The following CDC42BPA variants were observed in gnomAD, a reference collection of about 807,000 sequenced individuals.
CDC42BPA encodes the protein serine/threonine-protein kinase MRCK alpha.
Under a neutral mutation model 223.5 loss-of-function variants are expected in CDC42BPA, and 80 were observed. The ratio of observed to expected loss-of-function variants is 0.36; its 90% confidence interval spans 0.30 to 0.43. The LOEUF is 0.43. CDC42BPA is among the 20% of genes least tolerant of loss of function. The probability of loss-of-function intolerance (pLI) is 1.00; values close to 1 mark genes in which losing one functional copy is unlikely to be tolerated. For missense variants in CDC42BPA, 1,743 were observed against 2,099.9 expected, an observed-to-expected ratio of 0.83 and a Z score of 3.32; for synonymous variants, 694 against 718.6, an observed-to-expected ratio of 0.97 and a Z score of 0.55.
chr1:227,010,847 G>C, intron 34 of CDC42BPA: 1 of 1,290,364 alleles, frequency 7.7e-7, no homozygotes, highest in Admixed American at 2.3e-5. Flanking sequence ...CATGGTTAGT[G>C]AAAGTTAACA....
At chr1:227,216,932 T>C (rs545980303) in intron 2 of CDC42BPA, among the ~76,000 whole-genome samples, 8 of 152,162 alleles carry the variant, frequency 5.3e-5, no homozygotes, top group African/African-American at 1.7e-4. Context: ...ACAGAAATAA[T>C]CACTAAGTGA....
intron 2 of CDC42BPA, among the ~76,000 whole-genome samples, chr1:227,238,955 AAT>A (rs1372584728): frequency 6.6e-6 from 1 of 152,216 alleles, no homozygotes. Context: ...GGAAGAGCTT[AAT>A]GACTGCATCA....
At position 227,033,358 on chromosome 1, in the gene CDC42BPA, C is replaced by T. The variant is rs1340686041; in HGVS notation, c.3534G>A (p.Arg1178=). The T allele has an allele frequency of 6.2e-7, 1 of 1,612,696 alleles. No homozygotes were observed. ...CCCTAAATATACAGGGTATATCTTT[C>T]CGACTTGCATGGATAACATCAGAAG... ...VLASDVIHAS[R]KDIPCIFRVT... Residue 1178 remains arginine (R), a synonymous_variant, in exon 27 of 37, where the codon CGG becomes CGA. Transcript: ENST00000366766.
Position 227,074,378 on chromosome 1 carries a change from A to G in CDC42BPA, c.2481-14T>C. ...TCATCGCTGACCCTAGAATATATAAAGACAAAGTACAAAAGTAAAACAAAA... is the reference window on the plus strand; with the variant it reads ...TCATCGCTGACCCTAGAATATATAAGGACAAAGTACAAAAGTAAAACAAAA... On this transcript the variant is annotated splice_polypyrimidine_tract_variant and intron_variant, in intron 17 of 36. Coordinates refer to ENST00000366766, the MANE Select transcript of CDC42BPA (RefSeq NM_001394014.1). 1 of 1,584,432 alleles carries G rather than the reference A, an allele frequency of 6.3e-7. No individual in the cohort carries two copies. The highest frequency in any genetic ancestry group is 8.6e-7 in the Non-Finnish European group (1 of 1,159,336).
At chr1:226,996,724 T>C (rs1163927323) in intron 35 of CDC42BPA, among the ~76,000 whole-genome samples, 1 of 152,222 alleles carries the variant, frequency 6.6e-6, no homozygotes, top group African/African-American at 2.4e-5. Context: ...AATCATGTGG[T>C]TTTTGTCACT....
At chr1:227,107,579 A>G (rs1686151719) in intron 14 of CDC42BPA, among the ~76,000 whole-genome samples, 1 of 152,140 alleles carries the variant, frequency 6.6e-6, no homozygotes, top group African/African-American at 2.4e-5. Context: ...CTTCTCAAAA[A>G]AGAGTTTGGG....
intron 23 of CDC42BPA, among the ~76,000 whole-genome samples, chr1:227,040,501 C>CT (rs1671153957): frequency 6.6e-6 from 1 of 151,904 alleles, no homozygotes; most frequent in African/African-American, 2.4e-5. Context: ...TAAACAATAG[C>CT]TTTTTTGGGG....
At chr1:227,160,403 G>C in intron 6 of CDC42BPA, 140 bp downstream of exon 6, 1 of 656,246 alleles carries the variant, frequency 1.5e-6, no homozygotes, top group South Asian at 1.8e-5. Context: ...AAATGCCTTT[G>C]TGGAAGGAGG....
chr1:227,005,650 C>A (rs771523061), intron 34 of CDC42BPA, among the ~76,000 whole-genome samples: 2 of 152,168 alleles, frequency 1.3e-5, no homozygotes, highest in Non-Finnish European at 2.9e-5. Flanking sequence ...AGAAATAAGA[C>A]GCTGCAATAC....
At chr1:227,308,966 T>G (rs922738597) in intron 1 of CDC42BPA, among the ~76,000 whole-genome samples, 1 of 152,288 alleles carries the variant, frequency 6.6e-6, no homozygotes. Flanking sequence ...TTTCAAAAGA[T>G]TGTTTTCATC....
chr1:227,018,569 G>T (rs1015271622), intron 32 of CDC42BPA, among the ~76,000 whole-genome samples: 1 of 152,168 alleles, frequency 6.6e-6, no homozygotes, highest in Non-Finnish European at 1.5e-5. Context: ...GACACATAGT[G>T]GGTATGAACA....
At chr1:227,011,599 C>T (rs1374435881) in intron 34 of CDC42BPA, among the ~76,000 whole-genome samples, 1 of 152,142 alleles carries the variant, frequency 6.6e-6, no homozygotes, top group Non-Finnish European at 1.5e-5. Context: ...TATTGGTTTA[C>T]CTTTAAGCAG....
At chr1:227,164,921 A>G (rs1057452724) in intron 5 of CDC42BPA, among the ~76,000 whole-genome samples, 14 of 152,216 alleles carry the variant, frequency 9.2e-5, no homozygotes, top group Admixed American at 6.5e-5. Flanking sequence ...GCTGAGAGAA[A>G]GACAGGTTTT....
intron 1 of CDC42BPA, chr1:227,264,768 G>T: frequency 2.1e-6 from 2 of 947,716 alleles, no homozygotes; most frequent in Non-Finnish European, 3.5e-6. Context: ...GGTCTTCCAA[G>T]CTTTAAAGAA....
chr1:227,185,621 G>A (rs1031924578), intron 5 of CDC42BPA, among the ~76,000 whole-genome samples: 6 of 152,140 alleles, frequency 3.9e-5, no homozygotes, highest in Admixed American at 1.3e-4. Context: ...CTGAAAGTGG[G>A]GTTCTGTCTC....
At chr1:227,038,153 G>A (rs576135435) in intron 24 of CDC42BPA, among the ~76,000 whole-genome samples, 3 of 122,088 alleles carry the variant, frequency 2.5e-5, no homozygotes, top group African/African-American at 1.1e-4. Flanking sequence ...TCTCTGTGCT[G>A]CTCTGGTGAT....
At chr1:227,030,363 T>TAA in intron 29 of CDC42BPA, 45 bp downstream of exon 29, 1 of 1,097,098 alleles carries the variant, frequency 9.1e-7, no homozygotes, top group Non-Finnish European at 1.3e-6. Flanking sequence ...TAAATTTTTT[T>TAA]AACACGATTT....
chr1:227,194,984 A>G (rs944389681), intron 4 of CDC42BPA, among the ~76,000 whole-genome samples: 40 of 152,252 alleles, frequency 2.6e-4, no homozygotes, highest in Non-Finnish European at 4.9e-4. Flanking sequence ...TGTTTCAGGG[A>G]TATTACTGAG....
intron 6 of CDC42BPA, among the ~76,000 whole-genome samples, chr1:227,158,360 C>A (rs758733832): frequency 6.6e-6 from 1 of 152,100 alleles, no homozygotes; most frequent in Non-Finnish European, 1.5e-5. Context: ...TATCCACATG[C>A]CCATTTTTGT....
Sources: gnomAD v4.1 joint callset for allele counts (sites outside exome capture counted in the v4.1 genomes callset) on GRCh38, gnomAD v4.1.1 for gene constraint, MANE v1.5 for transcripts, NCBI Gene and HGNC (gene_info 2026-07-23, HGNC 2026-07-21) for gene names.